The following TTLL3 variants were observed in gnomAD, a reference collection of about 807,000 sequenced individuals.
TTLL3 encodes tubulin monoglycylase TTLL3.
Under a neutral mutation model 75.2 loss-of-function variants are expected in TTLL3, and 63 were observed. The observed-to-expected ratio is 0.84, with a 90% confidence interval of 0.68 to 1.03. The LOEUF is 1.03. TTLL3 is among the 50% of genes least tolerant of loss of function. TTLL3 has a pLI of 0.00. For synonymous variants in TTLL3, 393 were observed against 418.5 expected (o/e 0.94, Z 0.74); for missense variants, 997 against 1,069.9 (o/e 0.93, Z 0.95).
intron 5 of TTLL3, chr3:9,817,392 C>T: frequency 1.0e-6 from 1 of 978,772 alleles, no homozygotes; most frequent in South Asian, 4.7e-5. Flanking sequence ...CCACTGCACT[C>T]CAGCCTGGGT....
chr3:9,826,005 G>A, intron 9 of TTLL3, 57 bp downstream of exon 9: 1 of 1,586,034 alleles, frequency 6.3e-7, no homozygotes, highest in Non-Finnish European at 8.6e-7. Flanking sequence ...TCTACCAGTA[G>A]AGGCCAAGGA....
intron 8 of TTLL3, chr3:9,825,337 C>CAAA (rs34409771): frequency 5.7e-4 from 69 of 120,916 alleles, no homozygotes; most frequent in South Asian, 1.9e-3. Flanking sequence ...GACCCTGTCT[C>CAAA]AAAAAAAAAA....
chr3:9,825,396 A>T, intron 8 of TTLL3: 1 of 233,960 alleles, frequency 4.3e-6, no homozygotes, highest in Non-Finnish European at 8.7e-6. Context: ...CTTCCCTGGC[A>T]GGGCCTTGAG....
In TTLL3 at chr3:9,829,292, C is replaced by A. The variant is rs1442063863; in HGVS notation, c.1580C>A (p.Ala527Asp). ...PTMAPSTAVTARLCAGVQADT... is the reference protein window; with the variant it reads ...PTMAPSTAVTDRLCAGVQADT... ...ATGGCACCCTCCACAGCAGTCACTG[C>A]CCGGCTCTGTGCTGGCGTGCAAGCT... Residue 527 changes from alanine (A) to aspartate (D), a missense_variant, in exon 11 of 14, where the codon GCC becomes GAC. Ala to Asp is a moderately radical substitution (Grantham distance 126). Coordinates refer to ENST00000685419, the MANE Select transcript of TTLL3 (RefSeq NM_001387446.1). The A allele has an allele frequency of 1.9e-6, 3 of 1,613,996 alleles. No homozygotes were observed. Among genetic ancestry groups the A allele is most frequent in the Non-Finnish European group, 2.5e-6 (3 of 1,180,040 alleles).
Position 9,830,466 on chromosome 3 carries a change from T to C in TTLL3, c.1683+1071T>C, listed in dbSNP as rs931896026. Among the ~76,000 whole-genome samples the C allele has an allele frequency of 2.0e-5, 3 of 152,182 alleles. 1 individual carries two copies. Among genetic ancestry groups the C allele is most frequent in the Admixed American group, 2.0e-4 (3 of 15,274 alleles). On this transcript the variant is annotated intron_variant, in intron 11 of 13. Coordinates refer to ENST00000685419, the MANE Select transcript of TTLL3 (RefSeq NM_001387446.1). The stretch of plus-strand genomic sequence containing the variant: ...TAAGTGGCTTCTGATTAGCCTCCGG[T>C]TTCTGTCAAGGTTTGGTTACAGGAA...
chr3:9,813,295 T>C lies in TTLL3; in HGVS notation c.265T>C (p.Phe89Leu). 1 of 1,614,240 alleles carries C rather than the reference T, an allele frequency of 6.2e-7. No individual in the cohort carries two copies. Among genetic ancestry groups the C allele is most frequent in the Non-Finnish European group, 8.5e-7 (1 of 1,180,052 alleles). Residue 89 changes from phenylalanine (F) to leucine (L), a missense_variant, in exon 4 of 14, where the codon TTC (phenylalanine) becomes CTC (leucine). Physicochemically the swap from Phe to Leu is conservative, Grantham distance 22 (BLOSUM62 0). Transcript: ENST00000685419. ...GTTCCAGCCATCACAGCTGTTCGAC[T>C]TCGATGATTTACTGAAATTTGATGA... ...EEFQPSQLFD[F>L]DDLLKFDDLD...
intron 2 of TTLL3, among the ~76,000 whole-genome samples, chr3:9,811,142 C>T (rs1171784249): frequency 6.6e-6 from 1 of 152,212 alleles, no homozygotes; most frequent in African/African-American, 2.4e-5. Flanking sequence ...CCCCCTGGCC[C>T]CTTCCCCAGG....
intron 10 of TTLL3, chr3:9,828,578 T>C: frequency 4.4e-6 from 1 of 228,030 alleles, no homozygotes; most frequent in South Asian, 8.1e-5. Context: ...GCACACAGGT[T>C]AGATGACTTC....
Position 9,810,720 on chromosome 3 carries a change from G to C in TTLL3, c.48+11G>C, listed in dbSNP as rs1217051241. 6.3e-7 allele frequency: 1 copy of C among 1,579,852 alleles called. No homozygotes were observed. The highest frequency in any genetic ancestry group is 1.2e-5 in the South Asian group (1 of 86,082). On this transcript the variant is annotated intron_variant, in intron 2 of 13. Coordinates refer to ENST00000685419, the MANE Select transcript of TTLL3 (RefSeq NM_001387446.1). This position sits in a 1 kb window ranked among gnomAD's most constrained non-coding sequence, Gnocchi z 4.4. ...GAGAGAGCTGTCAAGGTCAGAGGAG[G>C]GGCAGGGGCGCTTAGAAAGGGCCCT...
chr3:9,830,348 T>C lies in TTLL3; in HGVS notation c.1683+953T>C, dbSNP rs1033966249. Among the ~76,000 whole-genome samples, 124 of 152,070 alleles carry C rather than the reference T, an allele frequency of 8.2e-4. 1 individual carries two copies. The highest frequency in any genetic ancestry group is 1.1e-3 in the Non-Finnish European group (76 of 68,034). ...GTCTTGCTCCAAAAAGAGATTGGAG[T>C]CTACTTGTAAAATAGAACAGCATTT... On this transcript the variant is annotated intron_variant, in intron 11 of 13. Coordinates refer to ENST00000685419, the MANE Select transcript of TTLL3 (RefSeq NM_001387446.1).
chr3:9,823,411 T>TG (rs903506701), intron 8 of TTLL3, among the ~76,000 whole-genome samples: 4 of 150,982 alleles, frequency 2.6e-5, no homozygotes, highest in Middle Eastern at 3.4e-3. Flanking sequence ...AGTTTTTTTT[T>TG]TTTTTTTTTT....
At chr3:9,823,116 G>A (rs909223675) in intron 8 of TTLL3, among the ~76,000 whole-genome samples, 12 of 151,890 alleles carry the variant, frequency 7.9e-5, no homozygotes, top group African/African-American at 2.9e-4. Flanking sequence ...GGGCACGGTG[G>A]CTCACGCCTG....
intron 11 of TTLL3, among the ~76,000 whole-genome samples, chr3:9,831,185 T>C (rs915968393): frequency 2.0e-5 from 3 of 152,188 alleles, no homozygotes; most frequent in African/African-American, 4.8e-5. Flanking sequence ...GCACTGTTTT[T>C]TTTTGTCTCT....
intron 12 of TTLL3, chr3:9,834,133 AAC>A: frequency 8.0e-6 from 2 of 250,552 alleles, no homozygotes; most frequent in Non-Finnish European, 8.0e-6. Context: ...AAAAAAAAAA[AAC>A]CCAGCCAAAT....
chr3:9,812,863 T>C, intron 2 of TTLL3, 80 bp from the exon 3 acceptor site: 1 of 1,398,478 alleles, frequency 7.2e-7, no homozygotes. Flanking sequence ...AGTCCATAAC[T>C]GTCTGGTTCA....
rs761462302 is a variant in TTLL3, at chr3:9,829,222, G to C, written c.1510G>C (p.Glu504Gln). Reference sequence around the variant, plus strand: ...CTATGGCGCTGACTTCGTGTTCGGGGAGGACTTCCAGCCCTGGCTGATTGA... The same window carrying C: ...CTATGGCGCTGACTTCGTGTTCGGGCAGGACTTCCAGCCCTGGCTGATTGA... The part of the protein sequence containing the change: ...ELYGADFVFG[E>Q]DFQPWLIEIN... Residue 504 changes from glutamate to glutamine, a missense_variant, in exon 11 of 14, where the codon GAG becomes CAG. By Grantham distance (29) the Glu-to-Gln change is conservative (BLOSUM62 2). Coordinates refer to ENST00000685419, the MANE Select transcript of TTLL3 (RefSeq NM_001387446.1). The C allele has an allele frequency of 1.2e-6, 2 of 1,614,210 alleles. No individual in the cohort carries two copies. The highest frequency in any genetic ancestry group is 8.5e-7 in the Non-Finnish European group (1 of 1,180,032).
Position 9,810,808 on chromosome 3 carries a change from G to T in TTLL3, c.48+99G>T. The T allele has an allele frequency of 8.5e-7, 1 of 1,174,600 alleles. No homozygotes were observed. The highest frequency in any genetic ancestry group is 1.2e-6 in the Non-Finnish European group (1 of 848,278). 72.8% of individuals were successfully genotyped at this position (1,174,600 alleles called of 1,614,324 possible). On this transcript the variant is annotated intron_variant, in intron 2 of 13. Coordinates refer to ENST00000685419, the MANE Select transcript of TTLL3 (RefSeq NM_001387446.1). This position sits in a 1 kb window ranked among gnomAD's most constrained non-coding sequence, Gnocchi z 4.4. ...ATATCCTTAAAAAACAAAAGCAAAA[G>T]AAAAAACAATAGCAAAAATCCTCAA...
At chr3:9,834,575 C>T in intron 12 of TTLL3, 106 bp from the exon 13 acceptor site, 1 of 1,537,292 alleles carries the variant, frequency 6.5e-7, no homozygotes, top group South Asian at 1.2e-5. Flanking sequence ...CGTCGGCCTT[C>T]ACCCCATTCC....
chr3:9,827,560 T>C (rs2081163278), intron 10 of TTLL3: 1 of 296,574 alleles, frequency 3.4e-6, no homozygotes, highest in Non-Finnish European at 6.4e-6. Flanking sequence ...GTACCACAGC[T>C]GATTTTTAAG....
Sources: gnomAD v4.1 joint callset for allele counts (sites outside exome capture counted in the v4.1 genomes callset) on GRCh38, gnomAD v4.1.1 for gene constraint, Gnocchi (gnomAD v3.1) non-coding constraint, MANE v1.5 for transcripts, NCBI Gene and HGNC (gene_info 2026-07-23, HGNC 2026-07-21) for gene names.